ASB3: variants seen among roughly 807,000 people sequenced by gnomAD.
ASB3 encodes ankyrin repeat and SOCS box protein 3.
Under a neutral mutation model 54.5 loss-of-function variants are expected in ASB3, and 41 were observed. The ratio of observed to expected loss-of-function variants is 0.75; its 90% CI spans 0.59 to 0.98. The LOEUF (loss-of-function observed/expected upper bound fraction) is 0.98. ASB3 is among the 50% of genes least tolerant of loss of function. The probability of loss-of-function intolerance (pLI) is 0.00; values close to 1 mark genes in which losing one functional copy is unlikely to be tolerated. For missense variants in ASB3, 733 were observed against 620.0 expected (o/e 1.18, Z -1.94); for synonymous variants, 266 against 221.2 (o/e 1.20, Z -1.80).
At chr2:53,771,440 G>A (rs1673902823) in intron 1 of ASB3, among the ~76,000 whole-genome samples, 2 of 152,142 alleles carry the variant, frequency 1.3e-5, no homozygotes, top group African/African-American at 2.4e-5. Flanking sequence ...TTGAGCCCGA[G>A]AGTTGGAGGT....
intron 7 of ASB3, among the ~76,000 whole-genome samples, chr2:53,700,758 T>C (rs1174167795): frequency 2.0e-5 from 3 of 152,170 alleles, no homozygotes; most frequent in Non-Finnish European, 4.4e-5. Flanking sequence ...ATTATTATAA[T>C]TTAAAACATT....
chr2:53,767,746 C>T lies in ASB3; in HGVS notation c.-13-2161G>A, dbSNP rs572846029. The T allele has an allele frequency of 5.4e-4, 510 of 945,468 alleles. 1 individual carries two copies. The highest frequency in any genetic ancestry group is 6.7e-4 in the Admixed American group (24 of 35,612). The allele number at this position is 945,468 out of a possible 1,614,324, so 58.6% of individuals were successfully genotyped here. The stretch of plus-strand genomic sequence containing the variant: ...CTCGGAAAATCTTTCTGGATCTAAA[C>T]TCCCAGTGCGCTTTGCGCCCCAAGT... On this transcript the variant is annotated intron_variant, in intron 1 of 9. Coordinates refer to ENST00000263634, the MANE Select transcript of ASB3 (RefSeq NM_016115.5).
chr2:53,774,523 T>A, intron 1 of ASB3: 1 of 1,527,976 alleles, frequency 6.5e-7, no homozygotes, highest in Non-Finnish European at 8.7e-7. Context: ...CAATTGCATA[T>A]AATTTAGTCT....
intron 7 of ASB3, among the ~76,000 whole-genome samples, chr2:53,703,861 T>G (rs543663973): frequency 6.6e-6 from 1 of 152,310 alleles, no homozygotes; most frequent in East Asian, 1.9e-4. Flanking sequence ...ATTAACACTA[T>G]CATAACACAT....
At chr2:53,761,386 G>A (rs575407154) in intron 2 of ASB3, among the ~76,000 whole-genome samples, 20 of 151,964 alleles carry the variant, frequency 1.3e-4, no homozygotes, top group Admixed American at 3.9e-4. Flanking sequence ...CCCTCCCGTT[G>A]TATGGGGGCT....
At chr2:53,695,699 T>C (rs897540239) in intron 8 of ASB3, among the ~76,000 whole-genome samples, 6 of 152,114 alleles carry the variant, frequency 3.9e-5, no homozygotes, top group Admixed American at 3.3e-4. Context: ...GACCATTACA[T>C]TGTATAGACC....
intron 8 of ASB3, 133 bp from the exon 9 acceptor site, chr2:53,694,147 T>A: frequency 2.0e-6 from 2 of 1,015,638 alleles, no homozygotes; most frequent in South Asian, 3.5e-5. Flanking sequence ...GCATGTTAAG[T>A]ATTTATGTAA....
At position 53,765,582 on chromosome 2, in the gene ASB3, C is replaced by A. The variant is rs1558568667; in HGVS notation, c.-10G>T. The A allele has an allele frequency of 1.2e-6, 2 of 1,614,138 alleles. No individual in the cohort carries two copies. Among genetic ancestry groups the A allele is most frequent in the Non-Finnish European group, 1.7e-6 (2 of 1,180,006 alleles). On this transcript the variant is annotated 5_prime_UTR_variant, in exon 2 of 10. Transcript: ENST00000263634. Reference sequence around the variant, plus strand: ...CCTCTGTAAAATCCATTTGTTTGACCAGTCTACAAAACAAGGTAGAAGGAT... The same window carrying A: ...CCTCTGTAAAATCCATTTGTTTGACAAGTCTACAAAACAAGGTAGAAGGAT...
chr2:53,736,603 G>A (rs1161366304), intron 3 of ASB3, among the ~76,000 whole-genome samples: 2 of 152,022 alleles, frequency 1.3e-5, no homozygotes, highest in Non-Finnish European at 2.9e-5. Flanking sequence ...GGAGGCCGAG[G>A]CAGGAGAATG....
At chr2:53,709,368 A>G (rs957809870) in intron 7 of ASB3, among the ~76,000 whole-genome samples, 1 of 151,962 alleles carries the variant, frequency 6.6e-6, no homozygotes, top group Non-Finnish European at 1.5e-5. Context: ...GGTTTGGGAG[A>G]CTCTGCCTAG....
chr2:53,774,065 T>C (rs932687938), intron 1 of ASB3: 1 of 1,362,638 alleles, frequency 7.3e-7, no homozygotes, highest in Non-Finnish European at 1.0e-6. Flanking sequence ...TATGAGATAC[T>C]CCCTTAGATC....
chr2:53,774,621 ATT>A, intron 1 of ASB3: 1 of 902,136 alleles, frequency 1.1e-6, no homozygotes, highest in Non-Finnish European at 1.6e-6. Flanking sequence ...TGAGGATATT[ATT>A]TAAACTTTTA....
chr2:53,705,106 A>G (rs1210339962), intron 7 of ASB3, among the ~76,000 whole-genome samples: 5 of 152,182 alleles, frequency 3.3e-5, no homozygotes, highest in African/African-American at 1.2e-4. Context: ...TATTTTATAG[A>G]ATAAGGTGTT....
chr2:53,753,164 G>C (rs1291873174), intron 2 of ASB3, among the ~76,000 whole-genome samples: 1 of 152,008 alleles, frequency 6.6e-6, no homozygotes, highest in Non-Finnish European at 1.5e-5. Context: ...GAGAGATAGA[G>C]AAAAAAGACA....
At chr2:53,730,309 G>A (rs1375242362) in intron 3 of ASB3, among the ~76,000 whole-genome samples, 2 of 152,154 alleles carry the variant, frequency 1.3e-5, no homozygotes, top group Admixed American at 6.5e-5. Flanking sequence ...GGTATACTGT[G>A]AATGTTGTTA....
intron 3 of ASB3, among the ~76,000 whole-genome samples, chr2:53,743,357 T>TC (rs1442266318): frequency 2.0e-5 from 3 of 151,936 alleles, no homozygotes; most frequent in African/African-American, 7.3e-5. Context: ...CTGCCATAGG[T>TC]CCTGTTAAAG....
chr2:53,767,756 G>A (rs1011731515), intron 1 of ASB3: 60 of 1,074,066 alleles, frequency 5.6e-5, no homozygotes, highest in Non-Finnish European at 7.3e-5. Flanking sequence ...CTCCCAGTGC[G>A]CTTTGCGCCC....
At chr2:53,769,423 C>CAA (rs1673733802) in intron 1 of ASB3, among the ~76,000 whole-genome samples, 1 of 152,340 alleles carries the variant, frequency 6.6e-6, no homozygotes, top group Admixed American at 6.5e-5. Context: ...GTGGCTATAA[C>CAA]AACATACTTT....
chr2:53,731,802 G>C (rs1032151245), intron 3 of ASB3, among the ~76,000 whole-genome samples: 2 of 152,160 alleles, frequency 1.3e-5, no homozygotes, highest in East Asian at 3.9e-4. Flanking sequence ...ACAGGCACCC[G>C]CAATCATGCT....
Sources: gnomAD v4.1 joint callset for allele counts (sites outside exome capture counted in the v4.1 genomes callset) on GRCh38, gnomAD v4.1.1 for gene constraint, MANE v1.5 for transcripts, NCBI Gene and HGNC (gene_info 2026-07-23, HGNC 2026-07-21) for gene names.